Variants in PTPRD observed in about 807,000 individuals in gnomAD.
PTPRD encodes the protein receptor-type tyrosine-protein phosphatase delta.
A neutral mutation model predicts 214.5 loss-of-function variants in PTPRD; 34 were observed. The ratio of observed to expected loss-of-function variants is 0.16; its 90% CI spans 0.12 to 0.21. The LOEUF (loss-of-function observed/expected upper bound fraction) is 0.21, where lower values mean the gene tolerates loss of function less well. PTPRD is among the 10% of genes least tolerant of loss of function. The pLI, the probability that PTPRD is intolerant of heterozygous loss-of-function variation, is 1.00. For missense variants in PTPRD, 2,545 were observed against 2,398.7 expected (o/e 1.06, Z -1.27); for synonymous variants, 1,128 against 845.7 (o/e 1.33, Z -5.79).
At chr9:8,965,070 A>G (rs1292343069) in intron 11 of PTPRD, among the ~76,000 whole-genome samples, 1 of 152,060 alleles carries the variant, frequency 6.6e-6, no homozygotes, top group Non-Finnish European at 1.5e-5. Context: ...TCAAGTGTCA[A>G]GTTTAAGTTC....
At chr9:8,684,826 C>G (rs2097645952) in intron 12 of PTPRD, among the ~76,000 whole-genome samples, 1 of 151,782 alleles carries the variant, frequency 6.6e-6, no homozygotes, top group Non-Finnish European at 1.5e-5. Context: ...CATTTACTTC[C>G]CAATGAATAT....
chr9:8,617,361 A>C (rs1314209641), intron 14 of PTPRD, among the ~76,000 whole-genome samples: 1 of 152,128 alleles, frequency 6.6e-6, no homozygotes, highest in Non-Finnish European at 1.5e-5. Flanking sequence ...TGCACTTCTC[A>C]GGAGAGAGAA....
chr9:10,566,998 C>A (rs912848011), intron 2 of PTPRD, among the ~76,000 whole-genome samples: 2 of 152,094 alleles, frequency 1.3e-5, no homozygotes, highest in Non-Finnish European at 2.9e-5. Context: ...ATAAATACTT[C>A]TGTGAAACTC....
intron 3 of PTPRD, among the ~76,000 whole-genome samples, chr9:10,328,703 C>A (rs2096692831): frequency 6.6e-6 from 1 of 151,716 alleles, no homozygotes; most frequent in Admixed American, 6.6e-5. Context: ...GGAATGAATT[C>A]ATCTCTATGC....
At chr9:10,197,939 A>G (rs1377202385) in intron 3 of PTPRD, among the ~76,000 whole-genome samples, 1 of 152,116 alleles carries the variant, frequency 6.6e-6, no homozygotes, top group Non-Finnish European at 1.5e-5. Flanking sequence ...ATAACTTAAT[A>G]CTTCTATGAA....
chr9:8,590,949 A>C (rs1252557768), intron 14 of PTPRD, among the ~76,000 whole-genome samples: 1 of 152,154 alleles, frequency 6.6e-6, no homozygotes, highest in African/African-American at 2.4e-5. Context: ...TGATGTTAGC[A>C]GTCCTTTATG....
At chr9:8,790,041 G>C (rs1032129265) in intron 11 of PTPRD, among the ~76,000 whole-genome samples, 3 of 151,922 alleles carry the variant, frequency 2.0e-5, no homozygotes, top group Non-Finnish European at 4.4e-5. Context: ...TTTTGAGACA[G>C]GGTTTCACTG....
At chr9:9,036,082 A>C (rs2099620813) in intron 10 of PTPRD, among the ~76,000 whole-genome samples, 1 of 152,102 alleles carries the variant, frequency 6.6e-6, no homozygotes, top group Non-Finnish European at 1.5e-5. Context: ...AAGACTTTCA[A>C]CTGACTGACT....
intron 5 of PTPRD, among the ~76,000 whole-genome samples, chr9:9,928,757 T>TAC (rs60820386): frequency 0.098 from 14,436 of 147,034 alleles, 799 homozygotes; most frequent in South Asian, 0.25. Context: ...TCTCTCTCTA[T>TAC]ACACACACAC....
At chr9:8,522,464 G>A (rs997036232) in intron 19 of PTPRD, among the ~76,000 whole-genome samples, 3 of 152,124 alleles carry the variant, frequency 2.0e-5, no homozygotes, top group African/African-American at 7.2e-5. Flanking sequence ...TTCACATACA[G>A]GATTCCATTC....
intron 8 of PTPRD, among the ~76,000 whole-genome samples, chr9:9,481,496 C>A (rs2095413727): frequency 6.6e-6 from 1 of 151,940 alleles, no homozygotes. Context: ...GTGTCTAGTG[C>A]CCATAGTACA....
chr9:9,943,731 G>T (rs1045926361), intron 4 of PTPRD, among the ~76,000 whole-genome samples: 9 of 152,078 alleles, frequency 5.9e-5, no homozygotes, highest in Non-Finnish European at 4.4e-5. Flanking sequence ...TTCTCTAGAG[G>T]AAGAGCCTTC....
chr9:8,675,429 C>G (rs1477493613), intron 12 of PTPRD, among the ~76,000 whole-genome samples: 1 of 150,118 alleles, frequency 6.7e-6, no homozygotes, highest in Admixed American at 6.7e-5. Flanking sequence ...ACGCAAAAAC[C>G]CCACTCCTCC....
chr9:8,397,800 C>G (rs1381417949), intron 36 of PTPRD, among the ~76,000 whole-genome samples: 1 of 152,176 alleles, frequency 6.6e-6, no homozygotes, highest in Non-Finnish European at 1.5e-5. Flanking sequence ...GCAGCTTTCT[C>G]ATCTTAAAGG....
chr9:10,059,761 CAAT>C (rs1244516426), intron 3 of PTPRD, among the ~76,000 whole-genome samples: 2 of 147,214 alleles, frequency 1.4e-5, no homozygotes, highest in African/African-American at 5.1e-5. Flanking sequence ...TGGTTGAGAA[CAAT>C]AATAAAATAT....
chr9:9,025,568 C>T (rs903610977), intron 10 of PTPRD, among the ~76,000 whole-genome samples: 2 of 151,938 alleles, frequency 1.3e-5, no homozygotes, highest in Non-Finnish European at 2.9e-5. Flanking sequence ...TGAAGTATGC[C>T]ACACCAACAA....
At chr9:8,804,654 T>A (rs2096639954) in intron 11 of PTPRD, among the ~76,000 whole-genome samples, 1 of 141,834 alleles carries the variant, frequency 7.1e-6, no homozygotes, top group South Asian at 2.4e-4. Flanking sequence ...TATATGTATC[T>A]CCTAACTGGA....
intron 12 of PTPRD, among the ~76,000 whole-genome samples, chr9:8,704,723 C>T (rs971154989): frequency 1.3e-5 from 2 of 148,972 alleles, no homozygotes; most frequent in Admixed American, 6.9e-5. Flanking sequence ...GGTCAGGAGT[C>T]GAAGACCAGT....
intron 3 of PTPRD, among the ~76,000 whole-genome samples, chr9:10,327,621 ATTTCT>A (rs1204518660): frequency 6.6e-6 from 1 of 151,860 alleles, no homozygotes; most frequent in Non-Finnish European, 1.5e-5. Context: ...ATATTAAAAC[ATTTCT>A]TAGACAAGTT....
Sources: allele counts gnomAD v4.1 joint callset (sites outside exome capture counted in the v4.1 genomes callset), GRCh38; gene constraint gnomAD v4.1.1; transcripts MANE v1.5; gene names NCBI Gene and HGNC (gene_info 2026-07-23, HGNC 2026-07-21).